FOXJ1: variants seen among roughly 807,000 people sequenced by gnomAD.
The protein encoded by FOXJ1 is forkhead box J1, also known as forkhead box protein J1.
FOXJ1 carries 8 observed loss-of-function variants against 29.3 expected under a neutral mutation model. That is an observed-to-expected ratio of 0.27 (90% CI 0.16 to 0.49). The LOEUF is 0.49. Among genes scored for constraint, FOXJ1 ranks in the 20% least tolerant of loss-of-function variants. The pLI is 0.98. For missense variants in FOXJ1, 539 were observed against 595.5 expected (o/e 0.91, Z 0.99); for synonymous variants, 280 against 278.7 (o/e 1.00, Z -0.05).
chr17:76,136,528 T>C lies in FOXJ1; in HGVS notation c.*825A>G, dbSNP rs1384284881. On this transcript the variant is annotated 3_prime_UTR_variant, in exon 3 of 3. Coordinates refer to ENST00000322957, the MANE Select transcript of FOXJ1 (RefSeq NM_001454.4). The surrounding 1 kb of genome is among the most constrained non-coding windows in gnomAD (Gnocchi z 4.9). ...GTACCCCGCTTCTTGGTCCCAGTAGTTCCAGCAAGCTCGGCATCCCTCCCA... is the reference window on the plus strand; with the variant it reads ...GTACCCCGCTTCTTGGTCCCAGTAGCTCCAGCAAGCTCGGCATCCCTCCCA... The C allele has an allele frequency of 2.0e-5, 3 of 152,028 alleles. No homozygotes were observed. The highest frequency in any genetic ancestry group is 2.9e-5 in the Non-Finnish European group (2 of 68,100). 9.4% of individuals were successfully genotyped at this position (152,028 alleles called of 1,614,324 possible). A position where few individuals can be genotyped will look rare whatever the true frequency, so the allele number is the denominator to read the frequency against.
Position 76,138,238 on chromosome 17 carries a change from G to GC in FOXJ1, c.499-119_499-118insG, listed in dbSNP as rs912512194. On this transcript the variant is annotated intron_variant, in intron 2 of 2. Transcript: ENST00000322957. The stretch of plus-strand genomic sequence containing the variant: ...ATCTTTTCTCTGGCAGGGGAGAGGA[G>GC]GGGGGGACAGACACACTGGTCTGCC... 37 of 1,028,260 alleles carry GC rather than the reference G, an allele frequency of 3.6e-5. No homozygotes were observed. In the African/African-American group the frequency reaches 5.5e-4, roughly 15 times the overall value. The allele number at this position is 1,028,260 out of a possible 1,614,324, so 63.7% of individuals were successfully genotyped here.
rs538212598 is a variant in FOXJ1, at chr17:76,140,871, G to C, written c.-170+243C>G. On this transcript the variant is annotated intron_variant, in intron 1 of 2. Transcript: ENST00000322957. The surrounding 1 kb of genome is among the most constrained non-coding windows in gnomAD (Gnocchi z 8.0). ...CAAATGGAAGTGGGGCGAGAAGTTT[G>C]GGAGGGCGGTACGACGGGGCGGGGG... is the stretch of plus-strand genomic sequence containing the variant. Among the ~76,000 whole-genome samples, 3 of 152,276 alleles carry C rather than the reference G, an allele frequency of 2.0e-5. No homozygotes were observed. The highest frequency in any genetic ancestry group is 7.2e-5 in the African/African-American group (3 of 41,548).
At chr17:76,138,263 C>T (rs1253839683) in intron 2 of FOXJ1, 143 bp from the exon 3 acceptor site, 32 of 888,454 alleles carry the variant, frequency 3.6e-5, no homozygotes, top group Non-Finnish European at 5.1e-5. Flanking sequence ...ACTGGTCTGC[C>T]CAGGCGGCTG....
rs1484074616 is a variant in FOXJ1, at chr17:76,136,931, T to G, written c.*422A>C. ...TTGCTGTCATCTAATTAGCATTTGT[T>G]GTACCTGGGGACTCTCTCTGGATAG... is the stretch of plus-strand genomic sequence containing the variant. On this transcript the variant is annotated 3_prime_UTR_variant, in exon 3 of 3. Transcript: ENST00000322957. The surrounding 1 kb of genome is among the most constrained non-coding windows in gnomAD (Gnocchi z 4.9). 2 of 165,454 alleles carry G rather than the reference T, an allele frequency of 1.2e-5. No homozygotes were observed. Among genetic ancestry groups the G allele is most frequent in the African/African-American group, 4.8e-5 (2 of 41,984 alleles). 10.2% of individuals were successfully genotyped at this position (165,454 alleles called of 1,614,324 possible).
Position 76,137,756 on chromosome 17 carries a change from G to A in FOXJ1, c.863C>T (p.Pro288Leu). 1.9e-6 allele frequency: 3 copies of A among 1,609,842 alleles called. No homozygotes were observed. Among genetic ancestry groups the A allele is most frequent in the Non-Finnish European group, 2.5e-6 (3 of 1,178,112 alleles). ...LPKRVAKVPR[P>L]PSTLLPTPEE... ...CGGGGTGGGCAGCAGGGTGCTGGGGGGCCGCGGGACCTTGGCCACCCGCTT... is the reference window on the plus strand; with the variant it reads ...CGGGGTGGGCAGCAGGGTGCTGGGGAGCCGCGGGACCTTGGCCACCCGCTT... Residue 288 changes from proline (P) to leucine (L), a missense_variant, in exon 3 of 3, where the codon CCC (proline) becomes CTC (leucine). Physicochemically the swap from Pro to Leu is moderately conservative, Grantham distance 98 (BLOSUM62 -3). This residue lies in a region of FOXJ1 where 302 missense variants were observed against 293.6 expected (regional missense o/e 1.03). Transcript: ENST00000322957. The surrounding 1 kb of genome is among the most constrained non-coding windows in gnomAD (Gnocchi z 9.5).
In FOXJ1 at chr17:76,137,893, C is replaced by T. The variant is rs894542; in HGVS notation, c.726G>A (p.Thr242=). The stretch of plus-strand genomic sequence containing the variant: ...GCAGCTGCTGGGCCTCGGTATTCAC[C>T]GTCAGCGGCCCGGCCCGGGGGACAG... ...PSAVPRAGPL[T]VNTEAQQLLR... is the part of the protein sequence containing the mutation. Residue 242 remains threonine (T), a synonymous_variant, in exon 3 of 3, where the codon ACG becomes ACA. Transcript: ENST00000322957. The surrounding 1 kb of genome is among the most constrained non-coding windows in gnomAD (Gnocchi z 9.5). 153,123 of 1,570,286 alleles carry T rather than the reference C, an allele frequency of 0.098. 7,932 individuals are homozygous for T. Among genetic ancestry groups the T allele is most frequent in the Middle Eastern group, 0.12 (718 of 5,806 alleles).
chr17:76,137,802 T>C lies in FOXJ1; in HGVS notation c.817A>G (p.Lys273Glu), dbSNP rs1290573663. 6.2e-7 allele frequency: 1 copy of C among 1,605,482 alleles called. No individual in the cohort carries two copies. The highest frequency in any genetic ancestry group is 1.1e-5 in the South Asian group (1 of 90,158). ...CGCTTGGGCAGCGGCTGTTTGCGCTTATGCCCCAGCCTGCCCTCGCCTGCA... is the reference window on the plus strand; with the variant it reads ...CGCTTGGGCAGCGGCTGTTTGCGCTCATGCCCCAGCCTGCCCTCGCCTGCA... Reference protein sequence around the residue: ...WGAGEGRLGHKRKQPLPKRVA... With the variant: ...WGAGEGRLGHERKQPLPKRVA... Residue 273 changes from lysine (K) to glutamate (E), a missense_variant, in exon 3 of 3, where the codon AAG becomes GAG. Lys to Glu is a moderately conservative substitution (Grantham distance 56). Around this residue, in one of 3 missense-constraint regions of FOXJ1, gnomAD observed 302 missense variants for 293.6 expected, o/e 1.03. Transcript: ENST00000322957. The surrounding 1 kb of genome is among the most constrained non-coding windows in gnomAD (Gnocchi z 9.5).
At position 76,137,518 on chromosome 17, in the gene FOXJ1, G is replaced by A. The variant is rs569060949; in HGVS notation, c.1101C>T (p.Ala367=). The part of the protein sequence containing the change: ...ATWGPSVEQA[A]DSLDFDETFL... ...AGGTCTCATCGAAGTCCAGGCTGTCGGCAGCCTGCTCCACCGAAGGCCCCC... is the reference window on the plus strand; with the variant it reads ...AGGTCTCATCGAAGTCCAGGCTGTCAGCAGCCTGCTCCACCGAAGGCCCCC... The change falls in exon 3 of 3, where the codon GCC becomes GCT. Residue 367 remains alanine (A), a synonymous_variant. Coordinates refer to ENST00000322957, the MANE Select transcript of FOXJ1 (RefSeq NM_001454.4). The surrounding 1 kb of genome is among the most constrained non-coding windows in gnomAD (Gnocchi z 9.5). The A allele has an allele frequency of 1.6e-5, 26 of 1,590,370 alleles. No individual in the cohort carries two copies. Among genetic ancestry groups the A allele is most frequent in the Admixed American group, 3.5e-5 (2 of 56,596 alleles).
chr17:76,137,879 G>A lies in FOXJ1; in HGVS notation c.740C>T (p.Ala247Val), dbSNP rs748243890. Residue 247 changes from alanine to valine, a missense_variant, in exon 3 of 3, where the codon GCC becomes GTC. Ala to Val is a moderately conservative substitution (Grantham distance 64, BLOSUM62 0). Coordinates refer to ENST00000322957, the MANE Select transcript of FOXJ1 (RefSeq NM_001454.4). This position sits in a 1 kb window ranked among gnomAD's most constrained non-coding sequence, Gnocchi z 9.5. ...CTCGAACTCCCGCAGCAGCTGCTGG[G>A]CCTCGGTATTCACCGTCAGCGGCCC... Reference protein sequence around the residue: ...RAGPLTVNTEAQQLLREFEEA... With the variant: ...RAGPLTVNTEVQQLLREFEEA... 1.0e-5 allele frequency: 16 copies of A among 1,580,710 alleles called. No individual in the cohort carries two copies. The highest frequency in any genetic ancestry group is 1.3e-5 in the African/African-American group (1 of 74,254).
rs1010068633 is a variant in FOXJ1 at position 76,137,430 on chromosome 17, C to G, written c.1189G>C (p.Glu397Gln). The G allele has an allele frequency of 6.5e-6, 10 of 1,543,484 alleles. No individual in the cohort carries two copies. The highest frequency in any genetic ancestry group is 1.4e-5 in the African/African-American group (1 of 73,228). Reference protein sequence around the residue: ...DESGSGCLPPEPLFEAGDATL... With the variant: ...DESGSGCLPPQPLFEAGDATL... Reference sequence around the variant, plus strand: ...GCATCCCCAGCCTCAAAGAGGGGCTCCGGGGGCAGGCAGCCACTGCCGCTC... The same window carrying G: ...GCATCCCCAGCCTCAAAGAGGGGCTGCGGGGGCAGGCAGCCACTGCCGCTC... The change falls in exon 3 of 3, where the codon GAG (glutamate) becomes CAG (glutamine). Residue 397 changes from glutamate to glutamine, a missense_variant. Glu to Gln is a conservative substitution (Grantham distance 29). Transcript: ENST00000322957. This position sits in a 1 kb window ranked among gnomAD's most constrained non-coding sequence, Gnocchi z 9.5.
chr17:76,137,919 C>A lies in FOXJ1; in HGVS notation c.700G>T (p.Ala234Ser). ...FARQAAQEPSAVPRAGPLTVN... is the reference protein window; with the variant it reads ...FARQAAQEPSSVPRAGPLTVN... ...GTCAGCGGCCCGGCCCGGGGGACAG[C>A]GCTGGGCTCCTGCGCGGCCTGGCGG... is the stretch of plus-strand genomic sequence containing the variant. Residue 234 changes from alanine to serine, a missense_variant, in exon 3 of 3, where the codon GCT (alanine) becomes TCT (serine). Physicochemically the swap from Ala to Ser is moderately conservative, Grantham distance 99. Transcript: ENST00000322957. The surrounding 1 kb of genome is among the most constrained non-coding windows in gnomAD (Gnocchi z 9.5). The A allele has an allele frequency of 6.4e-7, 1 of 1,570,418 alleles. No individual in the cohort carries two copies. The highest frequency in any genetic ancestry group is 8.6e-7 in the Non-Finnish European group (1 of 1,158,900).
Position 76,139,962 on chromosome 17 carries a change from G to T in FOXJ1, c.434C>A (p.Ser145Ter). The T allele has an allele frequency of 6.2e-7, 1 of 1,613,392 alleles. No individual in the cohort carries two copies. Among genetic ancestry groups the T allele is most frequent in the South Asian group, 1.1e-5 (1 of 90,982 alleles). ...GTCCGTGATCCACTTGTAGATGGCCGACAGGGTGATCTTGGTGGCCTTGCT... is the reference window on the plus strand; with the variant it reads ...GTCCGTGATCCACTTGTAGATGGCCTACAGGGTGATCTTGGTGGCCTTGCT... ...QASKATKITL[S>*]AIYKWITDNF... Residue 145 changes from serine (S) to a stop codon, truncating the protein, a stop_gained, in exon 2 of 3, where the codon TCG becomes TAG. Transcript: ENST00000322957. LOFTEE classifies it high-confidence loss of function. The surrounding 1 kb of genome is among the most constrained non-coding windows in gnomAD (Gnocchi z 6.6).
chr17:76,140,431 C>G lies in FOXJ1; in HGVS notation c.-36G>C. 1 of 1,391,860 alleles carries G rather than the reference C, an allele frequency of 7.2e-7. No homozygotes were observed. Among genetic ancestry groups the G allele is most frequent in the South Asian group, 1.6e-5 (1 of 62,624 alleles). The allele number at this position is 1,391,860 out of a possible 1,614,324, so 86.2% of individuals were successfully genotyped here. A position where few individuals can be genotyped will look rare whatever the true frequency, so the allele number is the denominator to read the frequency against. ...ACTCTCCGAGGGGGCGGTCAGCATC[C>G]ACGGGCTGAGCCGGGGGTGGCCCGC... On this transcript the variant is annotated 5_prime_UTR_variant, in exon 2 of 3. Coordinates refer to ENST00000322957, the MANE Select transcript of FOXJ1 (RefSeq NM_001454.4). The surrounding 1 kb of genome is among the most constrained non-coding windows in gnomAD (Gnocchi z 8.0).
chr17:76,138,837 C>G (rs563402675), intron 2 of FOXJ1, among the ~76,000 whole-genome samples: 3 of 152,290 alleles, frequency 2.0e-5, no homozygotes, highest in South Asian at 2.1e-4. Flanking sequence ...TGACCCTGCT[C>G]TAGGGTCAGG....
chr17:76,137,954 G>C lies in FOXJ1; in HGVS notation c.665C>G (p.Pro222Arg), dbSNP rs1279263629. The C allele has an allele frequency of 6.3e-7, 1 of 1,590,108 alleles. No homozygotes were observed. The highest frequency in any genetic ancestry group is 1.8e-5 in the Admixed American group (1 of 55,368). Residue 222 changes from proline to arginine, a missense_variant, in exon 3 of 3, where the codon CCA (proline) becomes CGA (arginine). Pro to Arg is a moderately radical substitution (Grantham distance 103, BLOSUM62 -2). This residue lies in a region of FOXJ1 where 302 missense variants were observed against 293.6 expected (regional missense o/e 1.03). Transcript: ENST00000322957. The surrounding 1 kb of genome is among the most constrained non-coding windows in gnomAD (Gnocchi z 9.5). ...CTGCGCGGCCTGGCGGGCAAAGGCT[G>C]GGTGGATGTGGACAGGGGGCAGTCG... ...KRRLPPVHIH[P>R]AFARQAAQEP...
rs2068508287 is a variant in FOXJ1, at chr17:76,140,338, C to G, written c.58G>C (p.Glu20Gln). The change falls in exon 2 of 3, where the codon GAG becomes CAG. Residue 20 changes from glutamate to glutamine, a missense_variant. Glu to Gln is a conservative substitution (Grantham distance 29, BLOSUM62 2). Coordinates refer to ENST00000322957, the MANE Select transcript of FOXJ1 (RefSeq NM_001454.4). The surrounding 1 kb of genome is among the most constrained non-coding windows in gnomAD (Gnocchi z 8.0). ...GCGTCGGGCTCCTCCAGGCCGCCCT[C>G]CGGCCCGGCCTCCTCCGCCGGCCCG... ...GAGPAEEAGP[E>Q]GGLEEPDALD... The G allele has an allele frequency of 2.0e-6, 3 of 1,497,692 alleles. No individual in the cohort carries two copies. Among genetic ancestry groups the G allele is most frequent in the Non-Finnish European group, 1.8e-6 (2 of 1,130,456 alleles). 92.8% of individuals were successfully genotyped at this position (1,497,692 alleles called of 1,614,324 possible).
Position 76,136,829 on chromosome 17 carries a change from C to T in FOXJ1, c.*524G>A, listed in dbSNP as rs923785284. The T allele has an allele frequency of 2.0e-5, 3 of 151,870 alleles. No homozygotes were observed. Among genetic ancestry groups the T allele is most frequent in the African/African-American group, 7.3e-5 (3 of 41,052 alleles). The allele number at this position is 151,870 out of a possible 1,614,324, so 9.4% of individuals were successfully genotyped here. On this transcript the variant is annotated 3_prime_UTR_variant, in exon 3 of 3. Transcript: ENST00000322957. The surrounding 1 kb of genome is among the most constrained non-coding windows in gnomAD (Gnocchi z 4.9). The stretch of plus-strand genomic sequence containing the variant: ...TCTGCCCCCTCCCCCAGTCCATCTT[C>T]TGCCCTGCTCCGCCCCATCCACAGC...
chr17:76,140,483 C>T lies in FOXJ1; in HGVS notation c.-88G>A. ...GCGCTCTCTGGCCCGCTGAGTCCCG[C>T]AGCTCCCGTTACACGGCCTCCCGGA... On this transcript the variant is annotated 5_prime_UTR_variant, in exon 2 of 3. Coordinates refer to ENST00000322957, the MANE Select transcript of FOXJ1 (RefSeq NM_001454.4). The surrounding 1 kb of genome is among the most constrained non-coding windows in gnomAD (Gnocchi z 8.0). The T allele has an allele frequency of 8.3e-7, 1 of 1,209,838 alleles. No homozygotes were observed. Among genetic ancestry groups the T allele is most frequent in the East Asian group, 3.2e-5 (1 of 31,166 alleles). The allele number at this position is 1,209,838 out of a possible 1,614,324, so 74.9% of individuals were successfully genotyped here. A position where few individuals can be genotyped will look rare whatever the true frequency, so the allele number is the denominator to read the frequency against.
At position 76,140,234 on chromosome 17, in the gene FOXJ1, C is replaced by G; in HGVS notation, c.162G>C (p.Pro54=). 6.9e-7 allele frequency: 1 copy of G among 1,457,454 alleles called. No individual in the cohort carries two copies. The highest frequency in any genetic ancestry group is 9.0e-7 in the Non-Finnish European group (1 of 1,115,676). 90.3% of individuals were successfully genotyped at this position (1,457,454 alleles called of 1,614,324 possible). The change falls in exon 2 of 3, where the codon CCG becomes CCC. Residue 54 remains proline, a synonymous_variant. Transcript: ENST00000322957. This position sits in a 1 kb window ranked among gnomAD's most constrained non-coding sequence, Gnocchi z 8.0. ...ILNAKAPALP[P]GGTDPHGYHQ... The stretch of plus-strand genomic sequence containing the variant: ...GGTAGCCGTGGGGGTCGGTGCCCCC[C>G]GGGGGCAGGGCGGGGGCCTTGGCGT...
Sources: gnomAD v4.1 joint callset for allele counts (sites outside exome capture counted in the v4.1 genomes callset) on GRCh38, gnomAD v4.1.1 for gene constraint, gnomAD v4.1.1 regional missense constraint, Gnocchi (gnomAD v3.1) non-coding constraint, MANE v1.5 for transcripts, NCBI Gene and HGNC (gene_info 2026-07-23, HGNC 2026-07-21) for gene names.